FUNDC2: variants seen among roughly 807,000 people sequenced by gnomAD.
FUNDC2 encodes FUN14 domain-containing protein 2.
In FUNDC2, 4 loss-of-function variants were observed where a neutral mutation model predicts 15.6. That is an observed-to-expected ratio of 0.26 (90% CI 0.13 to 0.59). The LOEUF (loss-of-function observed/expected upper bound fraction) is 0.59. Ranked by LOEUF, FUNDC2 falls within the 20% of genes least tolerant of loss-of-function variation. The pLI is 0.90. For synonymous variants in FUNDC2, 44 were observed against 56.9 expected, an observed-to-expected ratio of 0.77 and a Z score of 1.02; for missense variants, 98 against 149.7, an observed-to-expected ratio of 0.65 and a Z score of 1.80.
At chrX:155,052,685 G>T (rs2124198727) in intron 4 of FUNDC2, among the ~76,000 whole-genome samples, 1 of 111,799 alleles carries the variant, frequency 8.9e-6, no homozygotes, top group Admixed American at 9.4e-5. Flanking sequence ...GTCAAAGCTG[G>T]TGCCTTTACC....
At chrX:155,046,086 T>C (rs1488186013) in intron 2 of FUNDC2, among the ~76,000 whole-genome samples, 2 of 109,840 alleles carry the variant, frequency 1.8e-5, no homozygotes, top group African/African-American at 6.6e-5. Context: ...CTTGCAACCA[T>C]CCTGTCCTCA....
At position 155,059,258 on chromosome X, in the gene FUNDC2, ATAT is replaced by A. The variant is rs1357005426; in HGVS notation, c.*4590_*4592del. The stretch of plus-strand genomic sequence containing the variant: ...CTTCTGAATACTGAACACAAGTGTA[ATAT>A]TATAGTTCATTAAATGTCTTAGGAA... On this transcript the variant is annotated 3_prime_UTR_variant, in exon 5 of 5. Coordinates refer to ENST00000369498, the MANE Select transcript of FUNDC2 (RefSeq NM_023934.4). 1 of 112,221 alleles carries A rather than the reference ATAT, an allele frequency of 8.9e-6. No individual in the cohort carries two copies. The highest frequency in any genetic ancestry group is 1.9e-5 in the Non-Finnish European group (1 of 53,292). 9.2% of individuals were successfully genotyped at this position (112,221 alleles called of 1,213,427 possible).
rs1557291145 is a variant in FUNDC2 at position 155,057,348 on chromosome X, T to C, written c.*2676T>C. On this transcript the variant is annotated 3_prime_UTR_variant, in exon 5 of 5. Coordinates refer to ENST00000369498, the MANE Select transcript of FUNDC2 (RefSeq NM_023934.4). ...CAGGCAGCTCCACCTTTCAGTGCAC[T>C]ACTTTCATTTGACTGGAGAGGCCTG... The C allele has an allele frequency of 1.8e-5, 2 of 111,397 alleles. No individual in the cohort carries two copies. Among genetic ancestry groups the C allele is most frequent in the Admixed American group, 9.4e-5 (1 of 10,596 alleles). The allele number at this position is 111,397 out of a possible 1,213,427, so 9.2% of individuals were successfully genotyped here.
At chrX:155,050,776 T>C (rs2073877363) in intron 3 of FUNDC2, 1 of 112,064 alleles carries the variant, frequency 8.9e-6, no homozygotes, top group Admixed American at 9.4e-5. Flanking sequence ...TAAAGTGAAC[T>C]TTCTTACTGA....
At chrX:155,035,758 C>T (rs2073828921) in intron 2 of FUNDC2, among the ~76,000 whole-genome samples, 1 of 112,298 alleles carries the variant, frequency 8.9e-6, no homozygotes, top group African/African-American at 3.2e-5. Flanking sequence ...TCTTGGCTCA[C>T]CGCCTCCTGG....
At position 155,048,556 on chromosome X, in the gene FUNDC2, C is replaced by T. The variant is rs189993256; in HGVS notation, c.360+1972C>T. Among the ~76,000 whole-genome samples, 3 of 112,201 alleles carry T rather than the reference C, an allele frequency of 2.7e-5. No individual in the cohort carries two copies. The East Asian group carries it at 8.3e-4, about 31-fold the overall frequency. On this transcript the variant is annotated intron_variant, in intron 3 of 4. Coordinates refer to ENST00000369498, the MANE Select transcript of FUNDC2 (RefSeq NM_023934.4). ...TAATATTTGGTAATGCAAATTCCTC[C>T]ACCTTATTCTTCAGGAGTGTTGCAG...
chrX:155,030,463 C>T (rs1479317186), intron 1 of FUNDC2, among the ~76,000 whole-genome samples: 6 of 109,277 alleles, frequency 5.5e-5, no homozygotes, highest in Non-Finnish European at 1.1e-4. Flanking sequence ...ATTGCTTGAG[C>T]CCAGAAGTTT....
At chrX:155,027,158 C>A in intron 1 of FUNDC2, 87 bp downstream of exon 1, 2 of 955,203 alleles carry the variant, frequency 2.1e-6, no homozygotes, top group Non-Finnish European at 2.7e-6. Context: ...CCGCCAGTCG[C>A]GACCGAGCTC....
chrX:155,030,367 CAAAAAAAA>C (rs1275771643), intron 1 of FUNDC2, among the ~76,000 whole-genome samples: 1 of 27,567 alleles, frequency 3.6e-5, no homozygotes, highest in Admixed American at 5.2e-4. Context: ...CTCCTGTCTA[CAAAAAAAA>C]AAAAAAAAAA....
At chrX:155,027,616 A>G (rs1557288397) in intron 1 of FUNDC2, among the ~76,000 whole-genome samples, 2 of 111,972 alleles carry the variant, frequency 1.8e-5, no homozygotes, top group African/African-American at 6.5e-5. Context: ...TTAATTTAGT[A>G]CTGACTCACG....
At chrX:155,036,054 C>T (rs1293566200) in intron 2 of FUNDC2, among the ~76,000 whole-genome samples, 2 of 111,734 alleles carry the variant, frequency 1.8e-5, no homozygotes, top group Non-Finnish European at 3.8e-5. Context: ...ATGGCTGAGT[C>T]ACGTAGTAAG....
chrX:155,046,325 A>G (rs782116713), intron 2 of FUNDC2, among the ~76,000 whole-genome samples, 184 bp from the exon 3 acceptor site: 33 of 112,005 alleles, frequency 2.9e-4, no homozygotes, highest in Non-Finnish European at 2.1e-4. Flanking sequence ...ACTCAAGACC[A>G]CAAGATTCAT....
At chrX:155,053,317 T>G (rs1192594541) in intron 4 of FUNDC2, among the ~76,000 whole-genome samples, 1 of 111,969 alleles carries the variant, frequency 8.9e-6, no homozygotes, top group Non-Finnish European at 1.9e-5. Context: ...GCCCTGGGGA[T>G]GTAGTGGCTG....
intron 3 of FUNDC2, chrX:155,047,205 C>A: frequency 3.4e-6 from 1 of 294,005 alleles, no homozygotes; most frequent in Non-Finnish European, 6.7e-6. Flanking sequence ...ATTGGAATCA[C>A]CTAGGAGTTT....
intron 2 of FUNDC2, among the ~76,000 whole-genome samples, chrX:155,039,497 G>A (rs1312205212): frequency 2.7e-5 from 3 of 112,243 alleles, no homozygotes; most frequent in African/African-American, 9.7e-5. Context: ...TTATATTTAA[G>A]TATTTAATCT....
intron 2 of FUNDC2, among the ~76,000 whole-genome samples, chrX:155,038,588 A>G (rs782040921): frequency 3.6e-5 from 4 of 112,009 alleles, no homozygotes; most frequent in African/African-American, 1.3e-4. Flanking sequence ...GATTCCACAT[A>G]TAAGTGAGAC....
chrX:155,047,112 A>C (rs1010582522), intron 3 of FUNDC2: 8 of 240,059 alleles, frequency 3.3e-5, no homozygotes, highest in Admixed American at 1.6e-4. Context: ...CAGTTTCTCC[A>C]AAAACAAAAG....
intron 1 of FUNDC2, among the ~76,000 whole-genome samples, chrX:155,029,288 C>G (rs988672197): frequency 8.0e-5 from 9 of 112,094 alleles, no homozygotes; most frequent in Middle Eastern, 4.6e-3. Flanking sequence ...CAAAGACAAA[C>G]CACAGTGCTG....
chrX:155,046,598 A>G lies in FUNDC2; in HGVS notation c.360+14A>G. 1 of 1,163,473 alleles carries G rather than the reference A, an allele frequency of 8.6e-7. No individual in the cohort carries two copies. Among genetic ancestry groups the G allele is most frequent in the Non-Finnish European group, 1.2e-6 (1 of 851,673 alleles). ...TTTCTCCTTCAGGTCTGTATGTGAA[A>G]TGTTCTCAGATGTTTGGAAATTCCA... is the stretch of plus-strand genomic sequence containing the variant. On this transcript the variant is annotated intron_variant, in intron 3 of 4. Transcript: ENST00000369498.
Sources: allele counts gnomAD v4.1 joint callset (sites outside exome capture counted in the v4.1 genomes callset), GRCh38; gene constraint gnomAD v4.1.1; transcripts MANE v1.5; gene names NCBI Gene and HGNC (gene_info 2026-07-23, HGNC 2026-07-21).